Variants in LAMB1 observed in about 807,000 individuals in gnomAD.
LAMB1 encodes the protein laminin subunit beta-1.
Under a neutral mutation model 222.3 loss-of-function variants are expected in LAMB1, and 121 were observed. The observed-to-expected ratio is 0.54, with a 90% CI of 0.47 to 0.63. LAMB1 has a LOEUF of 0.63. LAMB1 is among the 30% of genes least tolerant of loss of function. The pLI is 0.00. For synonymous variants in LAMB1, 794 were observed against 807.2 expected (o/e 0.98, Z 0.28); for missense variants, 2,172 against 2,240.8 (o/e 0.97, Z 0.62).
At chr7:107,935,898 A>G (rs953291617) in intron 26 of LAMB1, among the ~76,000 whole-genome samples, 1 of 152,232 alleles carries the variant, frequency 6.6e-6, no homozygotes, top group South Asian at 2.1e-4. Flanking sequence ...AAATCATGCA[A>G]TCTTGTTTCT....
chr7:107,931,399 C>T lies in LAMB1; in HGVS notation c.4494G>A (p.Glu1498=), dbSNP rs148159658. Residue 1498 remains glutamate (E), a synonymous_variant, in exon 29 of 34, where the codon GAG becomes GAA. Transcript: ENST00000222399. Reference sequence around the variant, plus strand: ...TTTGCTTGATTAGATTTCTCAGCTCCTCATTGCTCTTGTCCATTTTTTCTT... The same window carrying T: ...TTTGCTTGATTAGATTTCTCAGCTCTTCATTGCTCTTGTCCATTTTTTCTT... ...ATKEKMDKSN[E]ELRNLIKQIR... 1 of 1,613,818 alleles carries T rather than the reference C, an allele frequency of 6.2e-7. No individual in the cohort carries two copies. The highest frequency in any genetic ancestry group is 8.5e-7 in the Non-Finnish European group (1 of 1,179,828).
rs182922926 is a variant in LAMB1 at position 107,992,808 on chromosome 7, T to C, written c.423+2079A>G. 3.4e-3 allele frequency among the ~76,000 whole-genome samples: 518 copies of C among 152,198 alleles called. 3 individuals carry two copies. The highest frequency in any genetic ancestry group is 0.012 in the African/African-American group (495 of 41,538). On this transcript the variant is annotated intron_variant, in intron 5 of 33. Transcript: ENST00000222399. The stretch of plus-strand genomic sequence containing the variant: ...TACTCAGGAGGCTGAGGCAGGAGAA[T>C]TGCTTAAACCCAGGAGGCGGAGGGT...
In LAMB1 at chr7:107,975,061, C is replaced by T. The variant is rs11770141; in HGVS notation, c.1407G>A (p.Gly469=). ...GACCTGTCTCGGAATCACAAGGATT[C>T]CCTCCAGGAATTGTTCCCAGAGGAT... ...ACNPLGTIPG[G]NPCDSETGHC... Residue 469 remains glycine (G), a synonymous_variant, in exon 12 of 34, where the codon GGG becomes GGA. Coordinates refer to ENST00000222399, the MANE Select transcript of LAMB1 (RefSeq NM_002291.3). 153,833 of 1,612,068 alleles carry T rather than the reference C, an allele frequency of 0.095. 7,912 individuals carry two copies. The highest frequency in any genetic ancestry group is 0.16 in the Admixed American group (9,435 of 60,008).
rs555245893 is a variant in LAMB1 at position 107,937,131 on chromosome 7, G to T, written c.3908C>A (p.Ala1303Asp). Residue 1303 changes from alanine (A) to aspartate (D), a missense_variant, in exon 26 of 34, where the codon GCT (alanine) becomes GAT (aspartate). Ala to Asp is a moderately radical substitution (Grantham distance 126). Coordinates refer to ENST00000222399, the MANE Select transcript of LAMB1 (RefSeq NM_002291.3). ...ESLDNTVKEL[A>D]EQLEFIKNSD... ...GTTTTTGATAAATTCCAGTTGTTCA[G>T]CAAGTTCTTTCACAGTGTTGTCTAG... is the stretch of plus-strand genomic sequence containing the variant. The T allele has an allele frequency of 1.2e-6, 2 of 1,613,936 alleles. No homozygotes were observed. Among genetic ancestry groups the T allele is most frequent in the East Asian group, 2.2e-5 (1 of 44,870 alleles).
In LAMB1 at chr7:107,957,858, A is replaced by C. The variant is rs56904879; in HGVS notation, c.2690+1391T>G. Among the ~76,000 whole-genome samples the C allele has an allele frequency of 6.1e-3, 930 of 151,678 alleles. 7 individuals carry two copies. The highest frequency in any genetic ancestry group is 0.02 in the African/African-American group (830 of 41,500). ...AGTAGAATTCCAAATACTTAAAATC[A>C]AGTGTTTGCCACCCAAACCTATTGT... On this transcript the variant is annotated intron_variant, in intron 20 of 33. Transcript: ENST00000222399.
Position 107,959,795 on chromosome 7 carries a change from C to T in LAMB1, c.2354G>A (p.Cys785Tyr). 6.2e-7 allele frequency: 1 copy of T among 1,613,996 alleles called. No homozygotes were observed. Among genetic ancestry groups the T allele is most frequent in the African/African-American group, 1.3e-5 (1 of 75,064 alleles). ...CDPQGSLSSVCDPNGGQCQCR... is the reference protein window; with the variant it reads ...CDPQGSLSSVYDPNGGQCQCR... ...CTGGCACTGGCCTCCGTTGGGATCA[C>T]ACACGGAACTTAACGAACCCTGAGG... Residue 785 changes from cysteine (C) to tyrosine (Y), a missense_variant, in exon 19 of 34, where the codon TGT (cysteine) becomes TAT (tyrosine). By Grantham distance (194) the Cys-to-Tyr change is radical. Transcript: ENST00000222399.
rs781244405 is a variant in LAMB1, at chr7:107,932,204, G to A, written c.4362C>T (p.Ala1454=). The A allele has an allele frequency of 2.0e-5, 32 of 1,614,088 alleles. No homozygotes were observed. Among genetic ancestry groups the A allele is most frequent in the Non-Finnish European group, 2.6e-5 (31 of 1,180,052 alleles). The change falls in exon 28 of 34, where the codon GCC becomes GCT. Residue 1454 remains alanine (A), a synonymous_variant. Coordinates refer to ENST00000222399, the MANE Select transcript of LAMB1 (RefSeq NM_002291.3). ...AMDLDQDVLS[A]LAEVEQLSKM... ...TGGAGAGCTGTTCCACTTCAGCCAG[G>A]GCACTCAGGACATCTTGGTCCAAGT...
chr7:107,933,691 T>A (rs1381403073), intron 27 of LAMB1, among the ~76,000 whole-genome samples: 1 of 151,722 alleles, frequency 6.6e-6, no homozygotes, highest in Non-Finnish European at 1.5e-5. Flanking sequence ...CAAAACTCTC[T>A]CTACACAAGG....
intron 12 of LAMB1, 79 bp from the exon 13 acceptor site, chr7:107,973,150 T>C: frequency 8.7e-7 from 1 of 1,151,294 alleles, no homozygotes; most frequent in South Asian, 1.2e-5. Flanking sequence ...AAGTTAAAGC[T>C]TGTTTCGGCT....
Position 107,975,084 on chromosome 7 carries a change from G to T in LAMB1, c.1384C>A (p.Pro462Thr), listed in dbSNP as rs267601230. ...PFGCKSCACN[P>T]LGTIPGGNPC... ...TTCCCTCCAGGAATTGTTCCCAGAG[G>T]ATTGCAAGCACAAGCTGTATTAAAA... Residue 462 changes from proline to threonine, a missense_variant, in exon 12 of 34, where the codon CCT (proline) becomes ACT (threonine). Pro to Thr is a conservative substitution (Grantham distance 38, BLOSUM62 -1). Transcript: ENST00000222399. 6.2e-7 allele frequency: 1 copy of T among 1,609,280 alleles called. No homozygotes were observed. The highest frequency in any genetic ancestry group is 8.5e-7 in the Non-Finnish European group (1 of 1,175,662).
At position 107,954,556 on chromosome 7, in the gene LAMB1, C is replaced by T. The variant is rs180928653; in HGVS notation, c.2855-802G>A. ...TTGGGAGGCCGAGGTGGGTGGATCA[C>T]GAAGTCAGGAGATCGAGACCATCCT... is the stretch of plus-strand genomic sequence containing the variant. On this transcript the variant is annotated intron_variant, in intron 21 of 33. Coordinates refer to ENST00000222399, the MANE Select transcript of LAMB1 (RefSeq NM_002291.3). 8.1e-4 allele frequency among the ~76,000 whole-genome samples: 123 copies of T among 152,162 alleles called. No homozygotes were observed. The East Asian group carries it at 0.017, about 21-fold the overall frequency.
At chr7:107,930,900 G>C (rs549676515) in intron 29 of LAMB1, among the ~76,000 whole-genome samples, 27 of 152,254 alleles carry the variant, frequency 1.8e-4, no homozygotes, top group African/African-American at 6.0e-4. Flanking sequence ...CCTTTCACTT[G>C]AGAGTTTTCT....
intron 5 of LAMB1, among the ~76,000 whole-genome samples, chr7:107,993,680 G>A (rs139941299): frequency 2.7e-4 from 41 of 152,308 alleles, no homozygotes; most frequent in African/African-American, 8.9e-4. Context: ...AGTATTCTCA[G>A]GTGTCACATA....
At chr7:107,962,714 A>C (rs891131445) in intron 15 of LAMB1, among the ~76,000 whole-genome samples, 191 bp downstream of exon 15, 6 of 151,956 alleles carry the variant, frequency 3.9e-5, no homozygotes, top group African/African-American at 1.2e-4. Flanking sequence ...ACTCAAAAAA[A>C]AAAAAAAAAA....
At chr7:107,932,037 T>G in intron 28 of LAMB1, 137 bp downstream of exon 28, 13 of 830,106 alleles carry the variant, frequency 1.6e-5, no homozygotes, top group African/African-American at 3.4e-5. Flanking sequence ...CACAGAAACA[T>G]GAACTTTCAT....
intron 5 of LAMB1, among the ~76,000 whole-genome samples, chr7:107,986,670 T>C (rs1019687100): frequency 3.3e-5 from 5 of 152,252 alleles, no homozygotes; most frequent in Non-Finnish European, 5.9e-5. Context: ...TTAGTCACCA[T>C]GTCCACTGTA....
intron 29 of LAMB1, 39 bp from the exon 30 acceptor site, chr7:107,929,658 G>T (rs777942716): frequency 3.9e-6 from 6 of 1,538,178 alleles, no homozygotes; most frequent in Non-Finnish European, 5.4e-6. Context: ...GAGGTGAAAA[G>T]AATAGATGGT....
At chr7:107,967,619 A>C (rs1207317183) in intron 13 of LAMB1, among the ~76,000 whole-genome samples, 1 of 152,112 alleles carries the variant, frequency 6.6e-6, no homozygotes, top group Non-Finnish European at 1.5e-5. Flanking sequence ...ATATTTACTG[A>C]TCAAATATTG....
chr7:107,974,831 T>G (rs188690895), intron 12 of LAMB1, among the ~76,000 whole-genome samples, 155 bp downstream of exon 12: 1 of 152,242 alleles, frequency 6.6e-6, no homozygotes, highest in Non-Finnish European at 1.5e-5. Context: ...TGTGAAATCA[T>G]CCATTAGTAA....
Sources: allele counts gnomAD v4.1 joint callset (sites outside exome capture counted in the v4.1 genomes callset), GRCh38; gene constraint gnomAD v4.1.1; transcripts MANE v1.5; gene names NCBI Gene and HGNC (gene_info 2026-07-23, HGNC 2026-07-21).